The following CDH23 variants were observed in gnomAD, a reference collection of about 807,000 sequenced individuals.
CDH23 encodes the protein cadherin related 23.
Under a neutral mutation model 317.1 loss-of-function variants are expected in CDH23, and 189 were observed. That is an observed-to-expected ratio of 0.60 (90% CI 0.53 to 0.67). The LOEUF (loss-of-function observed/expected upper bound fraction) is 0.67. Among genes scored for constraint, CDH23 ranks in the 30% least tolerant of loss-of-function variants. The pLI, the probability that CDH23 is intolerant of heterozygous loss-of-function variation, is 0.00. For missense variants in CDH23, 4,401 were observed against 4,592.4 expected (o/e 0.96, Z 1.20); for synonymous variants, 1,839 against 1,876.8 (o/e 0.98, Z 0.52).
At chr10:71,679,824 C>T (rs1473553459) in intron 17 of CDH23, among the ~76,000 whole-genome samples, 2 of 152,232 alleles carry the variant, frequency 1.3e-5, no homozygotes, top group Non-Finnish European at 2.9e-5. Context: ...GGGATGGAAG[C>T]TCTTTAGCCA....
chr10:71,711,438 C>T (rs1865966660), intron 27 of CDH23, among the ~76,000 whole-genome samples: 1 of 152,110 alleles, frequency 6.6e-6, no homozygotes, highest in Admixed American at 6.5e-5. Context: ...CCTGCACCAC[C>T]CCCTGGGGTG....
chr10:71,680,871 C>T (rs9415987), intron 17 of CDH23, among the ~76,000 whole-genome samples: 47,756 of 123,966 alleles, frequency 0.39, 10,065 homozygotes, highest in African/African-American at 0.43. Context: ...CTCTGTCACC[C>T]AGGCTGGAGT....
intron 1 of CDH23, among the ~76,000 whole-genome samples, chr10:71,404,853 A>G (rs775225673): frequency 6.6e-6 from 1 of 152,188 alleles, no homozygotes; most frequent in Non-Finnish European, 1.5e-5. Flanking sequence ...TTTAAAGGCC[A>G]TGCTCCATTT....
chr10:71,695,573 G>A lies in CDH23; in HGVS notation c.2397+48G>A, dbSNP rs748756724. Reference sequence around the variant, plus strand: ...AACTGCCAGGCGGCCCTTCCCAGGGGTCTGTGCCCCTCCCACTGCGATTCC... The same window carrying A: ...AACTGCCAGGCGGCCCTTCCCAGGGATCTGTGCCCCTCCCACTGCGATTCC... On this transcript the variant is annotated intron_variant, in intron 22 of 69. Coordinates refer to ENST00000224721, the MANE Select transcript of CDH23 (RefSeq NM_022124.6). 11 of 1,344,642 alleles carry A rather than the reference G, an allele frequency of 8.2e-6. No homozygotes were observed. The South Asian group carries it at 1.3e-4, about 16-fold the overall frequency. The allele number at this position is 1,344,642 out of a possible 1,614,324, so 83.3% of individuals were successfully genotyped here. A position where few individuals can be genotyped will look rare whatever the true frequency, so the allele number is the denominator to read the frequency against.
At chr10:71,468,457 G>A (rs960974427) in intron 3 of CDH23, among the ~76,000 whole-genome samples, 25 of 152,154 alleles carry the variant, frequency 1.6e-4, no homozygotes, top group African/African-American at 5.3e-4. Flanking sequence ...TAGCATCCAT[G>A]ATGCATGATC....
intron 3 of CDH23, among the ~76,000 whole-genome samples, chr10:71,502,442 G>A (rs1309679755): frequency 6.6e-6 from 1 of 152,226 alleles, no homozygotes; most frequent in African/African-American, 2.4e-5. Context: ...CTAGCTCCCT[G>A]GCCCTAGAAA....
chr10:71,596,231 G>A (rs984538387), intron 9 of CDH23, among the ~76,000 whole-genome samples: 4 of 152,156 alleles, frequency 2.6e-5, no homozygotes, highest in South Asian at 4.1e-4. Flanking sequence ...AGGATGTCAT[G>A]CAAGGCCCTC....
chr10:71,628,924 T>G (rs1165539760), intron 11 of CDH23, among the ~76,000 whole-genome samples: 1 of 152,220 alleles, frequency 6.6e-6, no homozygotes, highest in African/African-American at 2.4e-5. Flanking sequence ...ATCTTTGCTC[T>G]TTTCACATGG....
chr10:71,636,314 G>A (rs1175967854), intron 11 of CDH23, among the ~76,000 whole-genome samples: 2 of 152,102 alleles, frequency 1.3e-5, no homozygotes, highest in Non-Finnish European at 2.9e-5. Context: ...GAGCCCAGGA[G>A]TTCAAGACCA....
At chr10:71,480,985 C>T (rs1852036247) in intron 3 of CDH23, among the ~76,000 whole-genome samples, 1 of 152,074 alleles carries the variant, frequency 6.6e-6, no homozygotes, top group Non-Finnish European at 1.5e-5. Context: ...GACTTGCTGG[C>T]TTTGGGTATC....
chr10:71,685,027 G>A (rs1864816592), intron 18 of CDH23, among the ~76,000 whole-genome samples: 1 of 152,148 alleles, frequency 6.6e-6, no homozygotes, highest in African/African-American at 2.4e-5. Flanking sequence ...GGCAGAGCTG[G>A]GACTTGAACC....
At chr10:71,677,806 C>T in intron 16 of CDH23, 113 bp downstream of exon 16, 1 of 837,544 alleles carries the variant, frequency 1.2e-6, no homozygotes, top group Non-Finnish European at 1.9e-6. Context: ...CACTCTTTCA[C>T]CCAGGCTGGA....
intron 2 of CDH23, 35 bp downstream of exon 2, chr10:71,439,933 C>T (rs1420719506): frequency 2.0e-6 from 3 of 1,523,566 alleles, no homozygotes; most frequent in East Asian, 4.8e-5. Flanking sequence ...ATCCCATGGG[C>T]AGCCTCTGCA....
intron 3 of CDH23, among the ~76,000 whole-genome samples, chr10:71,501,409 G>A (rs926084317): frequency 4.6e-5 from 7 of 152,174 alleles, no homozygotes; most frequent in Non-Finnish European, 7.3e-5. Flanking sequence ...TTTGAAGGTA[G>A]AGATGGTTCC....
intron 3 of CDH23, among the ~76,000 whole-genome samples, chr10:71,467,795 A>T (rs1312392108): frequency 6.6e-6 from 1 of 152,174 alleles, no homozygotes; most frequent in African/African-American, 2.4e-5. Context: ...GTATCGGCTC[A>T]TGTTATTATC....
chr10:71,452,067 C>T (rs896858356), intron 3 of CDH23, among the ~76,000 whole-genome samples: 7 of 152,224 alleles, frequency 4.6e-5, no homozygotes, highest in Admixed American at 4.6e-4. Context: ...TTGTGAACGG[C>T]AAGGCCCGCG....
At chr10:71,786,162 G>A (rs1466860045) in intron 44 of CDH23, among the ~76,000 whole-genome samples, 1 of 152,228 alleles carries the variant, frequency 6.6e-6, no homozygotes, top group Non-Finnish European at 1.5e-5. Context: ...GGTCCTGGAA[G>A]GGCTGCGTTT....
At chr10:71,533,978 G>A (rs1276964393) in intron 6 of CDH23, among the ~76,000 whole-genome samples, 9 of 151,950 alleles carry the variant, frequency 5.9e-5, no homozygotes, top group Non-Finnish European at 8.8e-5. Flanking sequence ...CCTCATTCCC[G>A]GCCAGGGTCT....
At chr10:71,570,344 G>C (rs1423815037) in intron 7 of CDH23, among the ~76,000 whole-genome samples, 1 of 152,214 alleles carries the variant, frequency 6.6e-6, no homozygotes, top group Non-Finnish European at 1.5e-5. Context: ...TGGGATGAGT[G>C]GGGGCAGGAA....
Sources: gnomAD v4.1 joint callset for allele counts (sites outside exome capture counted in the v4.1 genomes callset) on GRCh38, gnomAD v4.1.1 for gene constraint, MANE v1.5 for transcripts, NCBI Gene and HGNC (gene_info 2026-07-23, HGNC 2026-07-21) for gene names.